The following STX8 variants were observed in gnomAD, a reference collection of about 807,000 sequenced individuals.
The protein encoded by STX8 is syntaxin 8, also known as syntaxin-8.
In STX8, 23 loss-of-function variants were observed where a neutral mutation model predicts 37.5. That is an observed-to-expected ratio of 0.61 (90% CI 0.44 to 0.87). The LOEUF (loss-of-function observed/expected upper bound fraction) is 0.87, where lower values mean the gene tolerates loss of function less well. STX8 is among the 40% of genes least tolerant of loss of function. The pLI, the probability that STX8 is intolerant of heterozygous loss-of-function variation, is 0.00. For missense variants in STX8, 313 were observed against 284.7 expected (o/e 1.10, Z -0.71); for synonymous variants, 115 against 99.1 (o/e 1.16, Z -0.95).
At chr17:9,504,696 C>A (rs992179232) in intron 5 of STX8, among the ~76,000 whole-genome samples, 1 of 152,012 alleles carries the variant, frequency 6.6e-6, no homozygotes, top group Non-Finnish European at 1.5e-5. Flanking sequence ...ATCTGGTGGC[C>A]GGGCACGGTG....
At chr17:9,331,495 TGCGAGGTG>T (rs1170266252) in intron 7 of STX8, among the ~76,000 whole-genome samples, 1 of 152,152 alleles carries the variant, frequency 6.6e-6, no homozygotes, top group African/African-American at 2.4e-5. Context: ...CAGGGTGGGT[TGCGAGGTG>T]GCTGCAGTAA....
intron 7 of STX8, among the ~76,000 whole-genome samples, chr17:9,295,241 G>A (rs1392046192): frequency 1.3e-5 from 2 of 152,140 alleles, no homozygotes; most frequent in African/African-American, 4.8e-5. Context: ...TCCTCTCTAT[G>A]TGAAGGGATC....
chr17:9,429,358 A>G (rs1325545060), intron 6 of STX8, among the ~76,000 whole-genome samples: 1 of 145,626 alleles, frequency 6.9e-6, no homozygotes, highest in African/African-American at 2.5e-5. Flanking sequence ...TATATAATAT[A>G]TAATAAATAT....
intron 6 of STX8, among the ~76,000 whole-genome samples, chr17:9,439,778 G>C (rs1904574286): frequency 6.6e-6 from 1 of 152,022 alleles, no homozygotes; most frequent in Admixed American, 6.6e-5. Flanking sequence ...ACAGGCGTGA[G>C]TGAGCCACTG....
At chr17:9,530,010 A>AAACAT (rs1158398830) in intron 4 of STX8, among the ~76,000 whole-genome samples, 4 of 152,014 alleles carry the variant, frequency 2.6e-5, no homozygotes, top group Non-Finnish European at 5.9e-5. Flanking sequence ...AAACAAAACA[A>AAACAT]AAAATAGCAC....
chr17:9,336,358 C>A (rs1429748362), intron 7 of STX8, among the ~76,000 whole-genome samples: 1 of 151,690 alleles, frequency 6.6e-6, no homozygotes, highest in Non-Finnish European at 1.5e-5. Context: ...CTTTAGATTT[C>A]TTTCCTTTCT....
intron 7 of STX8, among the ~76,000 whole-genome samples, chr17:9,301,447 C>G (rs1243825755): frequency 2.0e-5 from 3 of 151,410 alleles, no homozygotes; most frequent in Non-Finnish European, 4.4e-5. Flanking sequence ...GGGCACAGTG[C>G]TTTACTTTTT....
At chr17:9,505,200 C>T in intron 4 of STX8, 38 bp from the exon 5 acceptor site, 1 of 1,575,820 alleles carries the variant, frequency 6.3e-7, no homozygotes, top group Non-Finnish European at 8.6e-7. Flanking sequence ...TATCTCAAAA[C>T]ATGCAGCTCA....
intron 7 of STX8, among the ~76,000 whole-genome samples, chr17:9,325,347 T>G (rs1424415192): frequency 6.6e-6 from 1 of 152,124 alleles, no homozygotes; most frequent in Non-Finnish European, 1.5e-5. Context: ...ACCAAACTAT[T>G]CATAAGGGCT....
At chr17:9,566,134 GCAGA>G (rs1477393220) in intron 2 of STX8, among the ~76,000 whole-genome samples, 2 of 152,072 alleles carry the variant, frequency 1.3e-5, no homozygotes, top group Non-Finnish European at 2.9e-5. Flanking sequence ...CCATTAAAAA[GCAGA>G]CAAAGGACAC....
intron 7 of STX8, among the ~76,000 whole-genome samples, chr17:9,301,479 T>G (rs1908779900): frequency 6.6e-6 from 1 of 151,324 alleles, no homozygotes; most frequent in Admixed American, 6.6e-5. Flanking sequence ...TTTTATTTAT[T>G]TATTTATTTA....
intron 7 of STX8, among the ~76,000 whole-genome samples, chr17:9,330,777 A>G (rs916372900): frequency 4.6e-5 from 7 of 152,204 alleles, no homozygotes; most frequent in African/African-American, 1.7e-4. Context: ...GCCCCTATTC[A>G]GAGGGGGCTG....
At chr17:9,287,724 C>A (rs1442910391) in intron 7 of STX8, among the ~76,000 whole-genome samples, 1 of 152,114 alleles carries the variant, frequency 6.6e-6, no homozygotes, top group Non-Finnish European at 1.5e-5. Flanking sequence ...CCCACCCATG[C>A]CTATAGAACT....
At chr17:9,256,676 C>G (rs955404069) in intron 7 of STX8, among the ~76,000 whole-genome samples, 1 of 152,238 alleles carries the variant, frequency 6.6e-6, no homozygotes, top group Non-Finnish European at 1.5e-5. Flanking sequence ...CACATAACCA[C>G]AGAGGGTCTG....
chr17:9,389,781 A>AG (rs1346239868), intron 6 of STX8, among the ~76,000 whole-genome samples: 1 of 152,146 alleles, frequency 6.6e-6, no homozygotes, highest in Non-Finnish European at 1.5e-5. Context: ...AAAAATCTAT[A>AG]GTGAAGATAG....
At chr17:9,542,887 G>A (rs1249716255) in intron 4 of STX8, among the ~76,000 whole-genome samples, 1 of 152,096 alleles carries the variant, frequency 6.6e-6, no homozygotes, top group Non-Finnish European at 1.5e-5. Context: ...AAGTCACACT[G>A]TAAAGGACAC....
At chr17:9,502,573 A>G (rs1003377361) in intron 5 of STX8, among the ~76,000 whole-genome samples, 3 of 152,222 alleles carry the variant, frequency 2.0e-5, no homozygotes, top group African/African-American at 7.2e-5. Context: ...CAAATTAAAA[A>G]TTGTTTTAAA....
At chr17:9,343,421 T>C (rs1354553629) in intron 7 of STX8, among the ~76,000 whole-genome samples, 1 of 46,066 alleles carries the variant, frequency 2.2e-5, no homozygotes, top group Admixed American at 3.0e-4. Context: ...AACTGATCAT[T>C]GTAACTGTTT....
intron 7 of STX8, among the ~76,000 whole-genome samples, chr17:9,323,659 G>T (rs1439122559): frequency 1.3e-5 from 2 of 152,066 alleles, no homozygotes; most frequent in Non-Finnish European, 2.9e-5. Context: ...TACGCACACA[G>T]CACTGGAGAA....
Sources: gnomAD v4.1 joint callset for allele counts (sites outside exome capture counted in the v4.1 genomes callset) on GRCh38, gnomAD v4.1.1 for gene constraint, MANE v1.5 for transcripts, NCBI Gene and HGNC (gene_info 2026-07-23, HGNC 2026-07-21) for gene names.